STXBP6: variants seen among roughly 807,000 people sequenced by gnomAD.
STXBP6 encodes syntaxin-binding protein 6.
Under a neutral mutation model 26.9 loss-of-function variants are expected in STXBP6, and 21 were observed. That is an observed-to-expected ratio of 0.78 (90% CI 0.55 to 1.12). The LOEUF (loss-of-function observed/expected upper bound fraction) is 1.12, where lower values mean the gene tolerates loss of function less well. STXBP6 is among the 50% of genes most tolerant of loss of function. The probability of loss-of-function intolerance (pLI) is 0.00; values close to 1 mark genes in which losing one functional copy is unlikely to be tolerated. For missense variants in STXBP6, 232 were observed against 257.9 expected, an observed-to-expected ratio of 0.90 and a Z score of 0.69; for synonymous variants, 97 against 92.6, an observed-to-expected ratio of 1.05 and a Z score of -0.27.
chr14:25,015,588 T>C (rs1012127524), intron 1 of STXBP6, among the ~76,000 whole-genome samples: 1 of 152,044 alleles, frequency 6.6e-6, no homozygotes, highest in Admixed American at 6.6e-5. Context: ...ACAGTCAGAA[T>C]CCCGGAGCAA....
At chr14:24,982,001 C>T (rs2074205965) in intron 1 of STXBP6, among the ~76,000 whole-genome samples, 1 of 152,122 alleles carries the variant, frequency 6.6e-6, no homozygotes, top group Admixed American at 6.5e-5. Context: ...TATTTACATG[C>T]ATAAAGAGAT....
intron 2 of STXBP6, among the ~76,000 whole-genome samples, chr14:24,906,137 T>G (rs1453551932): frequency 6.6e-6 from 1 of 152,238 alleles, no homozygotes; most frequent in Non-Finnish European, 1.5e-5. Flanking sequence ...AAAATCATTT[T>G]CATCCCTTAA....
intron 2 of STXBP6, among the ~76,000 whole-genome samples, chr14:24,896,745 T>A (rs2071004157): frequency 6.6e-6 from 1 of 152,044 alleles, no homozygotes; most frequent in African/African-American, 2.4e-5. Context: ...GGAAGGTGGT[T>A]AGGATTAACA....
intron 2 of STXBP6, among the ~76,000 whole-genome samples, chr14:24,909,585 A>G (rs993658362): frequency 1.3e-5 from 2 of 152,054 alleles, no homozygotes; most frequent in African/African-American, 2.4e-5. Flanking sequence ...GTTCAAGTCC[A>G]GCCTGGGCAA....
At chr14:24,895,250 A>C (rs1408252981) in intron 2 of STXBP6, among the ~76,000 whole-genome samples, 1 of 152,250 alleles carries the variant, frequency 6.6e-6, no homozygotes, top group Non-Finnish European at 1.5e-5. Flanking sequence ...TGAAATGACC[A>C]TTTGATTGAC....
At chr14:24,829,514 T>G (rs913784594) in intron 4 of STXBP6, among the ~76,000 whole-genome samples, 9 of 152,210 alleles carry the variant, frequency 5.9e-5, no homozygotes, top group Non-Finnish European at 8.8e-5. Context: ...GTCCAAGGAA[T>G]ATAATCAGCA....
chr14:24,899,253 A>G (rs2071114520), intron 2 of STXBP6, among the ~76,000 whole-genome samples: 1 of 152,256 alleles, frequency 6.6e-6, no homozygotes, highest in Non-Finnish European at 1.5e-5. Flanking sequence ...ACAAAAAGTC[A>G]ATAGTAACTT....
At position 25,049,544 on chromosome 14, in the gene STXBP6, A is replaced by G. The variant is rs531132830; in HGVS notation, c.-33+334T>C. On this transcript the variant is annotated intron_variant, in intron 1 of 5. Transcript: ENST00000323944. The surrounding 1 kb of genome is among the most constrained non-coding windows in gnomAD (Gnocchi z 5.6). ...CCATGCCATCGCGGGGACGGTGCGG[A>G]AAAAAAGGCTCCATCCTCAACTTTC... is the stretch of plus-strand genomic sequence containing the variant. The G allele has an allele frequency of 1.7e-3, 1,651 of 985,216 alleles. 6 individuals carry two copies. The highest frequency in any genetic ancestry group is 1.0e-2 in the South Asian group (212 of 21,274). The allele number at this position is 985,216 out of a possible 1,614,324, so 61.0% of individuals were successfully genotyped here.
chr14:24,849,874 T>A (rs2069087254), intron 4 of STXBP6, among the ~76,000 whole-genome samples: 1 of 152,142 alleles, frequency 6.6e-6, no homozygotes, highest in African/African-American at 2.4e-5. Flanking sequence ...ATATTGAAGT[T>A]TGATCCCTAG....
intron 4 of STXBP6, among the ~76,000 whole-genome samples, chr14:24,851,581 C>T (rs548793381): frequency 6.6e-6 from 1 of 152,236 alleles, no homozygotes; most frequent in Admixed American, 6.5e-5. Context: ...AGTCTAATAA[C>T]ACGTTATTAA....
chr14:24,830,298 T>A (rs1264318905), intron 4 of STXBP6, among the ~76,000 whole-genome samples: 1 of 151,972 alleles, frequency 6.6e-6, no homozygotes, highest in Non-Finnish European at 1.5e-5. Context: ...CTGGTGGTAG[T>A]TTGGGAATAG....
chr14:24,931,731 A>G (rs2072417638), intron 2 of STXBP6, among the ~76,000 whole-genome samples: 1 of 152,174 alleles, frequency 6.6e-6, no homozygotes, highest in Admixed American at 6.5e-5. Context: ...GATCCAATGC[A>G]CATTACCCAA....
intron 2 of STXBP6, among the ~76,000 whole-genome samples, chr14:24,865,397 T>C (rs1200683841): frequency 6.6e-6 from 1 of 152,050 alleles, no homozygotes; most frequent in African/African-American, 2.4e-5. Flanking sequence ...ATTCCCTGAG[T>C]TGAAGCGAGT....
At chr14:24,959,330 C>G (rs964762004) in intron 2 of STXBP6, among the ~76,000 whole-genome samples, 1 of 152,092 alleles carries the variant, frequency 6.6e-6, no homozygotes, top group African/African-American at 2.4e-5. Context: ...TTTGCAAAGA[C>G]AAGCCCTGGG....
chr14:24,936,125 C>T (rs181206498), intron 2 of STXBP6, among the ~76,000 whole-genome samples: 2 of 152,270 alleles, frequency 1.3e-5, no homozygotes, highest in South Asian at 2.1e-4. Context: ...CTGACTAGAG[C>T]CCTGTGTTAG....
At chr14:24,872,626 G>T (rs1458223261) in intron 2 of STXBP6, among the ~76,000 whole-genome samples, 1 of 152,176 alleles carries the variant, frequency 6.6e-6, no homozygotes, top group African/African-American at 2.4e-5. Flanking sequence ...TCTCCTATAT[G>T]TCTCTGCTAA....
At chr14:24,979,462 G>A (rs1000180419) in intron 1 of STXBP6, among the ~76,000 whole-genome samples, 3 of 152,180 alleles carry the variant, frequency 2.0e-5, no homozygotes, top group African/African-American at 2.4e-5. Flanking sequence ...CTACTTCAAC[G>A]GAACTTCAGT....
chr14:24,859,459 T>A (rs2069454367), intron 2 of STXBP6, among the ~76,000 whole-genome samples: 1 of 152,104 alleles, frequency 6.6e-6, no homozygotes, highest in Non-Finnish European at 1.5e-5. Context: ...CCTTCTGAAA[T>A]CAAAACACTT....
chr14:24,911,588 A>C (rs1486829987), intron 2 of STXBP6, among the ~76,000 whole-genome samples: 1 of 152,178 alleles, frequency 6.6e-6, no homozygotes, highest in African/African-American at 2.4e-5. Context: ...AGTCATCCAG[A>C]CCAATTTATA....
Sources: allele counts gnomAD v4.1 joint callset (sites outside exome capture counted in the v4.1 genomes callset), GRCh38; gene constraint gnomAD v4.1.1; non-coding constraint Gnocchi (gnomAD v3.1); transcripts MANE v1.5; gene names NCBI Gene and HGNC (gene_info 2026-07-23, HGNC 2026-07-21).